The following SEMA5A variants were observed in gnomAD, a reference collection of about 807,000 sequenced individuals.
SEMA5A encodes semaphorin-5A.
SEMA5A carries 55 observed loss-of-function variants against 135.5 expected under a neutral mutation model. The observed-to-expected ratio is 0.41, with a 90% confidence interval of 0.33 to 0.51. SEMA5A has a LOEUF of 0.51. Ranked by LOEUF, SEMA5A falls within the 20% of genes least tolerant of loss-of-function variation. The pLI is 0.37. For missense variants in SEMA5A, 1,290 were observed against 1,419.9 expected, an observed-to-expected ratio of 0.91 and a Z score of 1.47; for synonymous variants, 580 against 546.5, an observed-to-expected ratio of 1.06 and a Z score of -0.85.
intron 1 of SEMA5A, among the ~76,000 whole-genome samples, chr5:9,524,612 C>A (rs1350811744): frequency 1.3e-5 from 2 of 152,152 alleles, no homozygotes; most frequent in Admixed American, 1.3e-4. Flanking sequence ...AGAATAACTT[C>A]TCTTGCTTTA....
chr5:9,225,632 A>C (rs2150419087), intron 7 of SEMA5A, among the ~76,000 whole-genome samples: 1 of 152,136 alleles, frequency 6.6e-6, no homozygotes, highest in African/African-American at 2.4e-5. Flanking sequence ...TATAATGAAT[A>C]GCCCCAAAAA....
intron 8 of SEMA5A, among the ~76,000 whole-genome samples, chr5:9,223,265 T>C (rs914873486): frequency 2.0e-5 from 3 of 152,218 alleles, no homozygotes; most frequent in Non-Finnish European, 4.4e-5. Flanking sequence ...ACATCCTTTT[T>C]TTCCTACAGG....
intron 2 of SEMA5A, among the ~76,000 whole-genome samples, chr5:9,404,120 G>A (rs1045041845): frequency 6.6e-6 from 1 of 152,136 alleles, no homozygotes; most frequent in African/African-American, 2.4e-5. Context: ...TTTTAGTAGA[G>A]ATGCGGTTTC....
At position 9,080,537 on chromosome 5, in the gene SEMA5A, A is replaced by AT. The variant is rs966762004; in HGVS notation, c.2074-13892dup. The stretch of plus-strand genomic sequence containing the variant: ...TGCACATGTATCCCAGAACTCTTAA[A>AT]TTAAAAAAAAAAAAAACTGAATGAA... On this transcript the variant is annotated intron_variant, in intron 16 of 22. Coordinates refer to ENST00000382496, the MANE Select transcript of SEMA5A (RefSeq NM_003966.3). Among the ~76,000 whole-genome samples, 6 of 47,468 alleles carry AT rather than the reference A, an allele frequency of 1.3e-4. No homozygotes were observed. The East Asian group carries it at 4.7e-3, about 37-fold the overall frequency. The allele number at this position is 47,468 out of a possible 152,430, so 31.1% of individuals were successfully genotyped here.
chr5:9,417,000 T>C (rs1043925871), intron 2 of SEMA5A, among the ~76,000 whole-genome samples: 4 of 152,248 alleles, frequency 2.6e-5, no homozygotes, highest in Non-Finnish European at 5.9e-5. Flanking sequence ...GACCAGAATC[T>C]CTTACCACTG....
intron 3 of SEMA5A, among the ~76,000 whole-genome samples, chr5:9,375,449 C>G (rs943443776): frequency 6.6e-6 from 1 of 151,732 alleles, no homozygotes; most frequent in African/African-American, 2.4e-5. Context: ...CAAAGGAATG[C>G]CAAACATTGC....
At chr5:9,148,337 C>T (rs887338952) in intron 12 of SEMA5A, among the ~76,000 whole-genome samples, 2 of 152,146 alleles carry the variant, frequency 1.3e-5, no homozygotes, top group African/African-American at 4.8e-5. Flanking sequence ...ATTCATACGG[C>T]CACCTAAACT....
chr5:9,298,482 A>C (rs1436927517), intron 5 of SEMA5A, among the ~76,000 whole-genome samples: 3 of 152,244 alleles, frequency 2.0e-5, no homozygotes, highest in Non-Finnish European at 4.4e-5. Context: ...TCTCTGTTAT[A>C]GCAGGTCTAA....
intron 11 of SEMA5A, among the ~76,000 whole-genome samples, chr5:9,176,081 T>C (rs935691668): frequency 1.3e-5 from 2 of 152,310 alleles, no homozygotes; most frequent in East Asian, 3.9e-4. Context: ...GTGAAGGAAT[T>C]CTGCAGATAA....
At chr5:9,178,308 T>A (rs1181912517) in intron 11 of SEMA5A, among the ~76,000 whole-genome samples, 1 of 150,722 alleles carries the variant, frequency 6.6e-6, no homozygotes, top group East Asian at 2.0e-4. Context: ...ATGTATAAGC[T>A]CTCTTTCTTT....
chr5:9,414,150 T>C (rs1242759495), intron 2 of SEMA5A, among the ~76,000 whole-genome samples: 1 of 152,192 alleles, frequency 6.6e-6, no homozygotes, highest in Non-Finnish European at 1.5e-5. Flanking sequence ...ATAACACATA[T>C]AACATGTATA....
intron 8 of SEMA5A, among the ~76,000 whole-genome samples, chr5:9,218,451 C>T (rs1405204600): frequency 2.6e-5 from 4 of 152,130 alleles, no homozygotes; most frequent in Non-Finnish European, 4.4e-5. Context: ...GGCGTTTCAT[C>T]GGTTTGTCCA....
chr5:9,377,447 T>C lies in SEMA5A; in HGVS notation c.124+2376A>G, dbSNP rs150064642. ...GTAACTGGGTCTTGGGTTGGTGCCATAACCACGCAGAAAGAAATTATTTCT... is the reference window on the plus strand; with the variant it reads ...GTAACTGGGTCTTGGGTTGGTGCCACAACCACGCAGAAAGAAATTATTTCT... On this transcript the variant is annotated intron_variant, in intron 3 of 22. Transcript: ENST00000382496. Among the ~76,000 whole-genome samples the C allele has an allele frequency of 5.9e-5, 9 of 152,106 alleles. No homozygotes were observed. In the East Asian group the frequency reaches 1.2e-3, roughly 20 times the overall value.
chr5:9,102,496 G>C (rs1442568743), intron 16 of SEMA5A, among the ~76,000 whole-genome samples: 1 of 152,058 alleles, frequency 6.6e-6, no homozygotes, highest in Non-Finnish European at 1.5e-5. Flanking sequence ...TTCTATTAGA[G>C]TCTTATAAGG....
intron 5 of SEMA5A, among the ~76,000 whole-genome samples, chr5:9,299,364 A>C: frequency 6.6e-6 from 1 of 152,302 alleles, no homozygotes; most frequent in Middle Eastern, 3.4e-3. Flanking sequence ...TGTCGAGCAA[A>C]AGAAATAGCA....
chr5:9,086,280 G>C (rs1323326122), intron 16 of SEMA5A, among the ~76,000 whole-genome samples: 1 of 152,120 alleles, frequency 6.6e-6, no homozygotes, highest in Non-Finnish European at 1.5e-5. Flanking sequence ...ACCAGGGGCA[G>C]AGTGATATGG....
At chr5:9,135,232 G>C (rs1288177067) in intron 13 of SEMA5A, among the ~76,000 whole-genome samples, 8 of 147,082 alleles carry the variant, frequency 5.4e-5, no homozygotes, top group African/African-American at 1.8e-4. Flanking sequence ...CCAGGCTGGA[G>C]TGCAGTGGCA....
chr5:9,454,122 A>G (rs1245477278), intron 1 of SEMA5A, among the ~76,000 whole-genome samples: 1 of 152,162 alleles, frequency 6.6e-6, no homozygotes, highest in Non-Finnish European at 1.5e-5. Flanking sequence ...CTGGAGTGAA[A>G]AATAGACTCC....
In SEMA5A at chr5:9,500,135, A is replaced by G. The variant is rs1421786100; in HGVS notation, c.-175+45449T>C. Among the ~76,000 whole-genome samples, 5 of 152,218 alleles carry G rather than the reference A, an allele frequency of 3.3e-5. No homozygotes were observed. In the East Asian group the frequency reaches 9.6e-4, roughly 29 times the overall value. On this transcript the variant is annotated intron_variant, in intron 1 of 22. Transcript: ENST00000382496. Reference sequence around the variant, plus strand: ...AACTTTTTGGAGATAAGTTATTGTCAATGGGCCAACCACACAGAGCCAGAT... The same window carrying G: ...AACTTTTTGGAGATAAGTTATTGTCGATGGGCCAACCACACAGAGCCAGAT...
Sources: allele counts gnomAD v4.1 joint callset (sites outside exome capture counted in the v4.1 genomes callset), GRCh38; gene constraint gnomAD v4.1.1; transcripts MANE v1.5; gene names NCBI Gene and HGNC (gene_info 2026-07-23, HGNC 2026-07-21).